The following STK4 variants were observed in gnomAD, a reference collection of about 807,000 sequenced individuals.
The protein encoded by STK4 is serine/threonine kinase 4, also known as serine/threonine-protein kinase 4.
Under a neutral mutation model 64.9 loss-of-function variants are expected in STK4, and 30 were observed. That is an observed-to-expected ratio of 0.46 (90% CI 0.35 to 0.63). STK4 has a LOEUF of 0.63. Among genes scored for constraint, STK4 ranks in the 20% least tolerant of loss-of-function variants. The probability of loss-of-function intolerance (pLI) is 0.01; values close to 1 mark genes in which losing one functional copy is unlikely to be tolerated. For missense variants in STK4, 466 were observed against 598.5 expected (o/e 0.78, Z 2.31); for synonymous variants, 177 against 199.0 (o/e 0.89, Z 0.93).
intron 10 of STK4, among the ~76,000 whole-genome samples, chr20:45,058,952 C>A (rs1380210893): frequency 1.3e-5 from 2 of 152,086 alleles, no homozygotes; most frequent in South Asian, 2.1e-4. Context: ...GAAAGTGTTT[C>A]TCTCACAGAT....
intron 9 of STK4, among the ~76,000 whole-genome samples, chr20:45,011,092 G>A (rs2145344157): frequency 6.6e-6 from 1 of 152,252 alleles, no homozygotes; most frequent in South Asian, 2.1e-4. Flanking sequence ...TTAGATTGGG[G>A]ATTTTGGAAG....
intron 9 of STK4, among the ~76,000 whole-genome samples, chr20:45,021,550 G>A (rs2068248151): frequency 6.6e-6 from 1 of 152,152 alleles, no homozygotes; most frequent in African/African-American, 2.4e-5. Context: ...TGCCAGTTAA[G>A]GTGGCTTCCC....
chr20:45,011,723 ATATATATTTTTTT>A (rs2068048844), intron 9 of STK4, among the ~76,000 whole-genome samples: 1 of 106,234 alleles, frequency 9.4e-6, no homozygotes, highest in Middle Eastern at 4.5e-3. Flanking sequence ...ATATATATAT[ATATATATTTTTTT>A]TTTTTTTTTT....
rs1006805600 is a variant in STK4 at position 45,078,404 on chromosome 20, A to G, written c.*3228A>G. 6.6e-6 allele frequency: 1 copy of G among 151,908 alleles called. No individual in the cohort carries two copies. Among genetic ancestry groups the G allele is most frequent in the Non-Finnish European group, 1.5e-5 (1 of 68,022 alleles). 9.4% of individuals were successfully genotyped at this position (151,908 alleles called of 1,614,324 possible). The stretch of plus-strand genomic sequence containing the variant: ...GTATTTTTAGTAGAGACAGGGTTTC[A>G]CCATATTAGCCAGGTGGGTCTTGAA... On this transcript the variant is annotated 3_prime_UTR_variant, in exon 11 of 11. Transcript: ENST00000372806.
Position 44,966,567 on chromosome 20 carries a change from C to A in STK4, c.-2C>A. The A allele has an allele frequency of 7.9e-7, 1 of 1,266,242 alleles. No homozygotes were observed. Among genetic ancestry groups the A allele is most frequent in the South Asian group, 3.2e-5 (1 of 31,176 alleles). The allele number at this position is 1,266,242 out of a possible 1,614,324, so 78.4% of individuals were successfully genotyped here. ...CGGGTCTGGGCGGCTGCTGGCAGCG[C>A]CATGGAGACGGTACAGCTGAGGAAC... On this transcript the variant is annotated 5_prime_UTR_variant, in exon 1 of 11. Transcript: ENST00000372806.
chr20:44,990,253 T>G (rs902734265), intron 5 of STK4, among the ~76,000 whole-genome samples: 1 of 152,260 alleles, frequency 6.6e-6, no homozygotes, highest in Non-Finnish European at 1.5e-5. Context: ...AAGTTTTGCA[T>G]GTATTTGGTT....
chr20:44,999,653 C>T (rs1156797827), intron 7 of STK4, among the ~76,000 whole-genome samples: 1 of 152,054 alleles, frequency 6.6e-6, no homozygotes, highest in Non-Finnish European at 1.5e-5. Context: ...TTCAGCAATA[C>T]CCCTTTGTTT....
chr20:45,015,157 C>T (rs1415471655), intron 9 of STK4, among the ~76,000 whole-genome samples: 1 of 152,180 alleles, frequency 6.6e-6, no homozygotes, highest in African/African-American at 2.4e-5. Context: ...CCTATTGTTG[C>T]TGTGAGTTTC....
intron 10 of STK4, among the ~76,000 whole-genome samples, chr20:45,027,379 G>A (rs1389221459): frequency 5.6e-5 from 8 of 144,072 alleles, no homozygotes; most frequent in East Asian, 4.1e-4. Context: ...GTGGTGAGCC[G>A]AGATCATGCC....
At chr20:44,976,418 G>T (rs549365789) in intron 2 of STK4, among the ~76,000 whole-genome samples, 12 of 152,200 alleles carry the variant, frequency 7.9e-5, no homozygotes, top group Non-Finnish European at 1.3e-4. Context: ...GATTGAAGAA[G>T]TTTATGAAGT....
In STK4 at chr20:44,975,284, T is replaced by C. The variant is rs573157609; in HGVS notation, c.116+3126T>C. 17 of 849,976 alleles carry C rather than the reference T, an allele frequency of 2.0e-5. No individual in the cohort carries two copies. In the South Asian group the frequency reaches 8.0e-4, roughly 40 times the overall value. 52.7% of individuals were successfully genotyped at this position (849,976 alleles called of 1,614,324 possible). A position where few individuals can be genotyped will look rare whatever the true frequency, so the allele number is the denominator to read the frequency against. On this transcript the variant is annotated intron_variant, in intron 2 of 10. Transcript: ENST00000372806. Reference sequence around the variant, plus strand: ...TTAAGGGACTTGCTTGTGAGTATGATTGCTGAAATCTTCTAACCACCCCCT... The same window carrying C: ...TTAAGGGACTTGCTTGTGAGTATGACTGCTGAAATCTTCTAACCACCCCCT...
At chr20:45,053,937 C>T (rs189364199) in intron 10 of STK4, among the ~76,000 whole-genome samples, 4 of 151,882 alleles carry the variant, frequency 2.6e-5, no homozygotes, top group African/African-American at 9.7e-5. Flanking sequence ...AATTTGTCCC[C>T]AGGGAACCTC....
chr20:45,072,912 A>T (rs1257434391), intron 10 of STK4, among the ~76,000 whole-genome samples: 1 of 152,364 alleles, frequency 6.6e-6, no homozygotes, highest in African/African-American at 2.4e-5. Context: ...AACACATACT[A>T]TATGAAGTTC....
At chr20:45,054,503 A>C (rs1260090236) in intron 10 of STK4, among the ~76,000 whole-genome samples, 2 of 150,542 alleles carry the variant, frequency 1.3e-5, no homozygotes, top group African/African-American at 4.9e-5. Flanking sequence ...TTGAGGCTGC[A>C]GTAAGCTATG....
chr20:45,029,129 A>C (rs1225189492), intron 10 of STK4, among the ~76,000 whole-genome samples: 4 of 152,204 alleles, frequency 2.6e-5, no homozygotes, highest in Non-Finnish European at 5.9e-5. Flanking sequence ...TTTTACACAA[A>C]ATGTTGGATC....
chr20:45,064,263 G>T lies in STK4; in HGVS notation c.1306-10755G>T, dbSNP rs116196817. ...ATACAGCCTTATTTCTAGGCTTTCT[G>T]TTCTGTCCCACTGATCTGTATGTCT... On this transcript the variant is annotated intron_variant, in intron 10 of 10. Transcript: ENST00000372806. Among the ~76,000 whole-genome samples, 880 of 152,170 alleles carry T rather than the reference G, an allele frequency of 5.8e-3. 9 individuals are homozygous for T. Among genetic ancestry groups the T allele is most frequent in the African/African-American group, 0.02 (812 of 41,518 alleles).
chr20:45,025,949 T>G lies in STK4; in HGVS notation c.1305+819T>G, dbSNP rs1465090093. Among the ~76,000 whole-genome samples, 3 of 152,290 alleles carry G rather than the reference T, an allele frequency of 2.0e-5. No individual in the cohort carries two copies. In the East Asian group the frequency reaches 5.8e-4, roughly 29 times the overall value. ...GGAAATGACGCCATTCTTCCATAAC[T>G]TAATTTCTACTTTTATAAAATGGCA... On this transcript the variant is annotated intron_variant, in intron 10 of 10. Coordinates refer to ENST00000372806, the MANE Select transcript of STK4 (RefSeq NM_006282.5).
rs192057876 is a variant in STK4 at position 45,058,652 on chromosome 20, G to A, written c.1306-16366G>A. 8.5e-4 allele frequency among the ~76,000 whole-genome samples: 130 copies of A among 152,126 alleles called. 2 individuals carry two copies. The highest frequency in any genetic ancestry group is 4.2e-3 in the South Asian group (20 of 4,816). ...AGCAGCTTGGCCTTTTTGCTATCTC[G>A]GAAATTTCCAGCCCAAGAAAGCATA... is the stretch of plus-strand genomic sequence containing the variant. On this transcript the variant is annotated intron_variant, in intron 10 of 10. Coordinates refer to ENST00000372806, the MANE Select transcript of STK4 (RefSeq NM_006282.5).
intron 10 of STK4, among the ~76,000 whole-genome samples, chr20:45,031,484 C>T (rs913635300): frequency 3.3e-5 from 5 of 152,012 alleles, no homozygotes; most frequent in African/African-American, 4.8e-5. Flanking sequence ...AGTCAAATTC[C>T]GGCTAAATGC....
Sources: gnomAD v4.1 joint callset for allele counts (sites outside exome capture counted in the v4.1 genomes callset) on GRCh38, gnomAD v4.1.1 for gene constraint, MANE v1.5 for transcripts, NCBI Gene and HGNC (gene_info 2026-07-23, HGNC 2026-07-21) for gene names.